MGAT4C: variants seen among roughly 807,000 people sequenced by gnomAD.
The protein encoded by MGAT4C is MGAT4 family member C.
A neutral mutation model predicts 40.1 loss-of-function variants in MGAT4C; 19 were observed. That is an observed-to-expected ratio of 0.47 (90% CI 0.33 to 0.70). MGAT4C has a LOEUF of 0.70. Among genes scored for constraint, MGAT4C ranks in the 30% least tolerant of loss-of-function variants. The pLI, the probability that MGAT4C is intolerant of heterozygous loss-of-function variation, is 0.02. For synonymous variants in MGAT4C, 181 were observed against 187.1 expected (o/e 0.97, Z 0.27); for missense variants, 491 against 563.2 (o/e 0.87, Z 1.30).
In MGAT4C at chr12:86,069,459, T is replaced by C. The variant is rs528533059; in HGVS notation, c.-56-19736A>G. ...TTTAGATTTTACATGGGCTATTTATTTGAAACTGATATCTATAGTGGAAAA... is the reference window on the plus strand; with the variant it reads ...TTTAGATTTTACATGGGCTATTTATCTGAAACTGATATCTATAGTGGAAAA... On this transcript the variant is annotated intron_variant, in intron 1 of 4. Coordinates refer to ENST00000611864, the MANE Select transcript of MGAT4C (RefSeq NM_001351288.2). Among the ~76,000 whole-genome samples, 69 of 152,302 alleles carry C rather than the reference T, an allele frequency of 4.5e-4. No individual in the cohort carries two copies. The South Asian group carries it at 0.014, about 32-fold the overall frequency.
intron 3 of MGAT4C, among the ~76,000 whole-genome samples, chr12:86,363,238 T>G (rs1343067011): frequency 1.3e-5 from 2 of 152,122 alleles, no homozygotes; most frequent in African/African-American, 4.8e-5. Context: ...GTAGAACATT[T>G]GTCAAGATAG....
chr12:86,445,694 TAA>T (rs1302061025), intron 2 of MGAT4C, among the ~76,000 whole-genome samples: 15 of 152,126 alleles, frequency 9.9e-5, no homozygotes, highest in African/African-American at 3.6e-4. Context: ...CATAATAGAA[TAA>T]AATATATCAA....
chr12:86,158,339 G>C (rs1885209569), intron 1 of MGAT4C, among the ~76,000 whole-genome samples: 1 of 152,046 alleles, frequency 6.6e-6, no homozygotes, highest in Admixed American at 6.6e-5. Context: ...TTACCTTTTA[G>C]AGATGTTTAC....
intron 3 of MGAT4C, among the ~76,000 whole-genome samples, chr12:86,366,139 T>C (rs1315479450): frequency 6.6e-6 from 1 of 152,190 alleles, no homozygotes; most frequent in Non-Finnish European, 1.5e-5. Flanking sequence ...TATTTCATTT[T>C]GTGTGCGTGT....
rs1047350163 is a variant in MGAT4C at position 86,070,856 on chromosome 12, G to A, written c.-56-21133C>T. 2.0e-5 allele frequency among the ~76,000 whole-genome samples: 3 copies of A among 152,014 alleles called. No individual in the cohort carries two copies. In the South Asian group the frequency reaches 6.2e-4, roughly 32 times the overall value. ...GATTTTTAAAAAAACATTTGACCAAGCAAGAAGCAAAATCATTATTTTGCC... is the reference window on the plus strand; with the variant it reads ...GATTTTTAAAAAAACATTTGACCAAACAAGAAGCAAAATCATTATTTTGCC... On this transcript the variant is annotated intron_variant, in intron 1 of 4. Transcript: ENST00000611864.
At chr12:86,774,355 C>CTGT (rs1212187906) in intron 1 of MGAT4C, among the ~76,000 whole-genome samples, 2 of 20,402 alleles carry the variant, frequency 9.8e-5, no homozygotes, top group Non-Finnish European at 3.4e-4. Context: ...CTCTCTCTCC[C>CTGT]CTCTCTCTCT....
intron 1 of MGAT4C, among the ~76,000 whole-genome samples, chr12:86,795,312 A>C (rs1353140385): frequency 2.0e-5 from 3 of 151,856 alleles, no homozygotes; most frequent in Non-Finnish European, 4.4e-5. Context: ...TGTACCATTG[A>C]TTAGTTCAAC....
intron 1 of MGAT4C, among the ~76,000 whole-genome samples, chr12:86,788,488 A>G (rs1951970859): frequency 6.6e-6 from 1 of 152,190 alleles, no homozygotes; most frequent in African/African-American, 2.4e-5. Flanking sequence ...AAACTTCTCT[A>G]CTTCCTGTCC....
intron 3 of MGAT4C, among the ~76,000 whole-genome samples, chr12:86,376,942 G>C (rs1955839065): frequency 6.6e-6 from 1 of 151,436 alleles, no homozygotes; most frequent in Non-Finnish European, 1.5e-5. Flanking sequence ...TGACACTAGT[G>C]GAATTAATGT....
At chr12:86,306,128 A>G (rs1367682530) in intron 4 of MGAT4C, among the ~76,000 whole-genome samples, 1 of 150,484 alleles carries the variant, frequency 6.6e-6, no homozygotes, top group African/African-American at 2.5e-5. Context: ...TAGAGATTAT[A>G]ATCACTTTGA....
chr12:86,632,643 A>C (rs1389994779), intron 2 of MGAT4C, among the ~76,000 whole-genome samples: 1 of 152,030 alleles, frequency 6.6e-6, no homozygotes, highest in Non-Finnish European at 1.5e-5. Context: ...CATTCTGAGC[A>C]AACTATCGCA....
chr12:86,669,402 C>T (rs1038479208), intron 2 of MGAT4C, among the ~76,000 whole-genome samples: 2 of 152,130 alleles, frequency 1.3e-5, no homozygotes, highest in African/African-American at 4.8e-5. Flanking sequence ...GCCTGAGTTG[C>T]CACCCCTCTC....
At chr12:86,641,765 C>A (rs748087282) in intron 2 of MGAT4C, among the ~76,000 whole-genome samples, 4 of 151,480 alleles carry the variant, frequency 2.6e-5, no homozygotes, top group African/African-American at 4.8e-5. Context: ...GAAAACATAA[C>A]CTCCGCAAAA....
chr12:86,302,841 A>C (rs1953848744), intron 4 of MGAT4C, among the ~76,000 whole-genome samples: 1 of 150,710 alleles, frequency 6.6e-6, no homozygotes, highest in African/African-American at 2.5e-5. Context: ...CAATGATTTC[A>C]ACAGTTGACA....
intron 4 of MGAT4C, among the ~76,000 whole-genome samples, chr12:86,313,546 G>A (rs1230336248): frequency 6.6e-6 from 1 of 152,100 alleles, no homozygotes; most frequent in African/African-American, 2.4e-5. Flanking sequence ...CTATAAGGCA[G>A]TTAACTAAAA....
intron 2 of MGAT4C, among the ~76,000 whole-genome samples, chr12:86,506,329 T>G (rs1012739875): frequency 2.6e-5 from 4 of 152,202 alleles, no homozygotes; most frequent in Non-Finnish European, 5.9e-5. Flanking sequence ...TTGTTTTGCC[T>G]TGTCTGTAAA....
intron 4 of MGAT4C, among the ~76,000 whole-genome samples, chr12:86,303,330 A>C (rs1404962424): frequency 6.6e-6 from 1 of 150,682 alleles, no homozygotes; most frequent in Non-Finnish European, 1.5e-5. Flanking sequence ...AATACAAAAC[A>C]TAGAATCTAA....
At chr12:86,574,783 A>G (rs1431707320) in intron 2 of MGAT4C, among the ~76,000 whole-genome samples, 8 of 151,876 alleles carry the variant, frequency 5.3e-5, no homozygotes, top group Non-Finnish European at 8.8e-5. Context: ...AATCCCTACT[A>G]TAATATTTTT....
intron 2 of MGAT4C, among the ~76,000 whole-genome samples, chr12:86,502,814 CATATATATGTATACACGAGTTCTGCTCAT>C (rs1565808823): frequency 1.9e-5 from 2 of 107,126 alleles, no homozygotes; most frequent in Non-Finnish European, 3.8e-5. Flanking sequence ...GAGTTCTGCT[CATATATATGTATACACGAGTTCTGCTCAT>C]ATATATATAT....
Sources: allele counts gnomAD v4.1 joint callset (sites outside exome capture counted in the v4.1 genomes callset), GRCh38; gene constraint gnomAD v4.1.1; transcripts MANE v1.5; gene names NCBI Gene and HGNC (gene_info 2026-07-23, HGNC 2026-07-21).